The following SPCS3 variants were observed in gnomAD, a reference collection of about 807,000 sequenced individuals.
SPCS3 encodes SPase 22 kDa subunit.
In SPCS3, 9 loss-of-function variants were observed where a neutral mutation model predicts 17.2. The observed-to-expected ratio is 0.52, with a 90% CI of 0.31 to 0.91. SPCS3 has a LOEUF of 0.91. Ranked by LOEUF, SPCS3 falls within the 40% of genes least tolerant of loss-of-function variation. The pLI, the probability that SPCS3 is intolerant of heterozygous loss-of-function variation, is 0.04. For synonymous variants in SPCS3, 87 were observed against 89.6 expected (o/e 0.97, Z 0.16); for missense variants, 139 against 217.5 (o/e 0.64, Z 2.27).
At chr4:176,323,327 T>G (rs1731562155) in intron 2 of SPCS3, among the ~76,000 whole-genome samples, 1 of 152,148 alleles carries the variant, frequency 6.6e-6, no homozygotes. Context: ...GGTATTTATA[T>G]ATTACCAATC....
Position 176,332,035 on chromosome 4 carries a change from C to G in SPCS3, c.*3705C>G, listed in dbSNP as rs192861778. The G allele has an allele frequency of 1.3e-5, 2 of 150,784 alleles. No individual in the cohort carries two copies. The highest frequency in any genetic ancestry group is 2.4e-5 in the African/African-American group (1 of 41,018). 9.3% of individuals were successfully genotyped at this position (150,784 alleles called of 1,614,324 possible). A position where few individuals can be genotyped will look rare whatever the true frequency, so the allele number is the denominator to read the frequency against. On this transcript the variant is annotated 3_prime_UTR_variant, in exon 5 of 5. Coordinates refer to ENST00000503362, the MANE Select transcript of SPCS3 (RefSeq NM_021928.4). ...TAAACTAAAAGTAAATGGAAGAAAC[C>G]AAGTCTAGTAGGTTTTTTCTTTTTT...
At chr4:176,322,098 T>C in intron 1 of SPCS3, 72 bp from the exon 2 acceptor site, 1 of 1,005,208 alleles carries the variant, frequency 9.9e-7, no homozygotes, top group Non-Finnish European at 1.5e-6. Flanking sequence ...CTGTATTCTT[T>C]CTCTTTAAGA....
intron 3 of SPCS3, chr4:176,326,845 G>A (rs894350748): frequency 1.2e-5 from 2 of 172,594 alleles, no homozygotes; most frequent in African/African-American, 4.8e-5. Flanking sequence ...TAATTCATCT[G>A]TTCCTCCAAA....
Position 176,330,982 on chromosome 4 carries a change from C to A in SPCS3, c.*2652C>A, listed in dbSNP as rs554213411. On this transcript the variant is annotated 3_prime_UTR_variant, in exon 5 of 5. Transcript: ENST00000503362. ...TTTCTTTATTCTGAAAGGAAAATAA[C>A]AAAAACTTCAGAAATTCCTAAGGGT... 6.6e-6 allele frequency: 1 copy of A among 152,070 alleles called. No individual in the cohort carries two copies. Among genetic ancestry groups the A allele is most frequent in the Non-Finnish European group, 1.5e-5 (1 of 68,000 alleles). 9.4% of individuals were successfully genotyped at this position (152,070 alleles called of 1,614,324 possible).
Position 176,328,442 on chromosome 4 carries a change from T to TG in SPCS3, c.*112_*113insG, listed in dbSNP as rs1491067013. 3.3e-6 allele frequency: 2 copies of TG among 608,502 alleles called. No individual in the cohort carries two copies. Among genetic ancestry groups the TG allele is most frequent in the African/African-American group, 4.1e-5 (2 of 48,262 alleles). The allele number at this position is 608,502 out of a possible 1,614,324, so 37.7% of individuals were successfully genotyped here. Reference sequence around the variant, plus strand: ...GTTTGTTTTTTGGTTTTGGGTTTTTTTTTTTTTTTTTTTGGTATAAGAACT... The same window carrying TG: ...GTTTGTTTTTTGGTTTTGGGTTTTTTGTTTTTTTTTTTTTGGTATAAGAACT... On this transcript the variant is annotated 3_prime_UTR_variant, in exon 5 of 5. Coordinates refer to ENST00000503362, the MANE Select transcript of SPCS3 (RefSeq NM_021928.4).
chr4:176,323,019 CAGTTAAA>C (rs1312635155), intron 2 of SPCS3, among the ~76,000 whole-genome samples: 1 of 152,086 alleles, frequency 6.6e-6, no homozygotes, highest in African/African-American at 2.4e-5. Flanking sequence ...CCTGTCTGAA[CAGTTAAA>C]GCTGATCATA....
intron 2 of SPCS3, among the ~76,000 whole-genome samples, chr4:176,323,846 C>CTT (rs1224705437): frequency 7.8e-5 from 11 of 140,130 alleles, no homozygotes; most frequent in Non-Finnish European, 1.1e-4. Flanking sequence ...ATCGAGTCCT[C>CTT]TTTTTTTTTT....
chr4:176,320,278 A>ATGCGAG, intron 1 of SPCS3, 59 bp downstream of exon 1: 1 of 1,312,298 alleles, frequency 7.6e-7, no homozygotes, highest in Non-Finnish European at 9.7e-7. Context: ...CGGAAGCCGA[A>ATGCGAG]GCCGGGCCGC....
chr4:176,324,133 A>T lies in SPCS3; in HGVS notation c.218-48A>T, dbSNP rs896342627. On this transcript the variant is annotated intron_variant, in intron 2 of 4. Coordinates refer to ENST00000503362, the MANE Select transcript of SPCS3 (RefSeq NM_021928.4). ...ACCTAAGAATAATTAAGATCTATTT[A>T]AAAGTGATATACTGCTCATAAATTT... The T allele has an allele frequency of 3.2e-6, 3 of 928,254 alleles. No homozygotes were observed. In the African/African-American group the frequency reaches 5.2e-5, roughly 16 times the overall value. The allele number at this position is 928,254 out of a possible 1,614,324, so 57.5% of individuals were successfully genotyped here. A position where few individuals can be genotyped will look rare whatever the true frequency, so the allele number is the denominator to read the frequency against.
In SPCS3 at chr4:176,330,737, C is replaced by A. The variant is rs1731675215; in HGVS notation, c.*2407C>A. ...AGTCTCATAATGTTCTACAAAGACA[C>A]AAAGCTTCAGGCTTATACAAAACTG... is the stretch of plus-strand genomic sequence containing the variant. On this transcript the variant is annotated 3_prime_UTR_variant, in exon 5 of 5. Coordinates refer to ENST00000503362, the MANE Select transcript of SPCS3 (RefSeq NM_021928.4). The A allele has an allele frequency of 6.6e-6, 1 of 152,126 alleles. No individual in the cohort carries two copies. The highest frequency in any genetic ancestry group is 1.5e-5 in the Non-Finnish European group (1 of 68,024). The allele number at this position is 152,126 out of a possible 1,614,324, so 9.4% of individuals were successfully genotyped here.
intron 3 of SPCS3, 38 bp from the exon 4 acceptor site, chr4:176,327,124 T>A (rs1011824431): frequency 8.3e-7 from 1 of 1,208,284 alleles, no homozygotes. Context: ...AGATGGTATT[T>A]CTGATGAGTT....
At chr4:176,323,594 CCA>C (rs1731565795) in intron 2 of SPCS3, among the ~76,000 whole-genome samples, 1 of 152,128 alleles carries the variant, frequency 6.6e-6, no homozygotes, top group African/African-American at 2.4e-5. Context: ...GGTATTGGCA[CCA>C]GTCTTGTTAA....
At chr4:176,321,409 A>G (rs1230629395) in intron 1 of SPCS3, 2 of 152,204 alleles carry the variant, frequency 1.3e-5, no homozygotes, top group Non-Finnish European at 2.9e-5. Flanking sequence ...ATTATTTGAA[A>G]TGTGAAAAAT....
chr4:176,325,054 T>C (rs868820168), intron 3 of SPCS3, among the ~76,000 whole-genome samples: 1,473 of 141,354 alleles, frequency 0.01, 24 homozygotes, highest in African/African-American at 0.037. Flanking sequence ...TTTTTTTACT[T>C]TTTTTTTTTT....
rs1163490626 is a variant in SPCS3 at position 176,331,515 on chromosome 4, C to A, written c.*3185C>A. On this transcript the variant is annotated 3_prime_UTR_variant, in exon 5 of 5. Transcript: ENST00000503362. ...ATGCAATTTGGGAAATTGTTTACTT[C>A]ACAATGTAGTCATTCATAAAAAAAT... The A allele has an allele frequency of 6.6e-6, 1 of 152,172 alleles. No individual in the cohort carries two copies. The highest frequency in any genetic ancestry group is 2.4e-5 in the African/African-American group (1 of 41,430). The allele number at this position is 152,172 out of a possible 1,614,324, so 9.4% of individuals were successfully genotyped here.
chr4:176,325,977 C>T (rs1357668781), intron 3 of SPCS3, among the ~76,000 whole-genome samples: 1 of 151,978 alleles, frequency 6.6e-6, no homozygotes, highest in Non-Finnish European at 1.5e-5. Flanking sequence ...AATTATAAAA[C>T]TTATTATGAA....
In SPCS3 at chr4:176,320,151, C is replaced by T; in HGVS notation, c.75C>T (p.Gly25=). Reference sequence around the variant, plus strand: ...GCGTGATGGCGGCGCTCACCTTCGGCTGCTTCATCACCACCGCCTTCAAAG... The same window carrying T: ...GCGTGATGGCGGCGCTCACCTTCGGTTGCTTCATCACCACCGCCTTCAAAG... ...SLSVMAALTF[G]CFITTAFKDR... The change falls in exon 1 of 5, where the codon GGC becomes GGT. Residue 25 remains glycine (G), a synonymous_variant. Coordinates refer to ENST00000503362, the MANE Select transcript of SPCS3 (RefSeq NM_021928.4). 6.3e-7 allele frequency: 1 copy of T among 1,583,664 alleles called. No homozygotes were observed. Among genetic ancestry groups the T allele is most frequent in the South Asian group, 1.1e-5 (1 of 88,130 alleles).
Position 176,327,219 on chromosome 4 carries a change from C to T in SPCS3, c.352C>T (p.Leu118=), listed in dbSNP as rs1178554640. Reference sequence around the variant, plus strand: ...TGTTTTGAGAGGTGATAATCCGAAGCTGCTGCTGAAAGATATGAAAACAAA... The same window carrying T: ...TGTTTTGAGAGGTGATAATCCGAAGTTGCTGCTGAAAGATATGAAAACAAA... ...KIVLRGDNPK[L]LLKDMKTKYF... Residue 118 remains leucine, a synonymous_variant, in exon 4 of 5, where the codon CTG becomes TTG. Coordinates refer to ENST00000503362, the MANE Select transcript of SPCS3 (RefSeq NM_021928.4). 1 of 1,600,558 alleles carries T rather than the reference C, an allele frequency of 6.2e-7. No homozygotes were observed. Among genetic ancestry groups the T allele is most frequent in the East Asian group, 2.2e-5 (1 of 44,558 alleles).
intron 3 of SPCS3, among the ~76,000 whole-genome samples, chr4:176,326,487 A>T (rs2127001686): frequency 6.6e-6 from 1 of 152,232 alleles, no homozygotes; most frequent in African/African-American, 2.4e-5. Flanking sequence ...AATGGAACTT[A>T]TTTGTAATAT....
Sources: allele counts gnomAD v4.1 joint callset (sites outside exome capture counted in the v4.1 genomes callset), GRCh38; gene constraint gnomAD v4.1.1; transcripts MANE v1.5; gene names NCBI Gene and HGNC (gene_info 2026-07-23, HGNC 2026-07-21).